Variants in DENND5A observed in about 807,000 individuals in gnomAD.
DENND5A encodes DENN domain containing 5A.
In DENND5A, 64 loss-of-function variants were observed where a neutral mutation model predicts 140.3. That is an observed-to-expected ratio of 0.46 (90% confidence interval 0.37 to 0.56). The LOEUF is 0.56. Among genes scored for constraint, DENND5A ranks in the 20% least tolerant of loss-of-function variants. DENND5A has a pLI of 0.00. For missense variants in DENND5A, 1,292 were observed against 1,593.8 expected, an observed-to-expected ratio of 0.81 and a Z score of 3.22; for synonymous variants, 605 against 607.7, an observed-to-expected ratio of 1.00 and a Z score of 0.07.
chr11:9,207,774 AG>A, intron 1 of DENND5A, 142 bp from the exon 2 acceptor site: 1 of 574,934 alleles, frequency 1.7e-6, no homozygotes, highest in African/African-American at 1.9e-5. Context: ...ATTTACCTAA[AG>A]CAAAAATTTC....
rs1276958748 is a variant in DENND5A, at chr11:9,262,890, C to G, written c.109+2071G>C. Among the ~76,000 whole-genome samples the G allele has an allele frequency of 3.4e-4, 52 of 152,008 alleles. 2 individuals are homozygous for G. Among genetic ancestry groups the G allele is most frequent in the Admixed American group, 3.4e-3 (52 of 15,268 alleles). On this transcript the variant is annotated intron_variant, in intron 1 of 22. Transcript: ENST00000328194. Reference sequence around the variant, plus strand: ...CTGAGTAGCTGGGACTACAGGCGCCCGCCACCACGCCCGGCTAATTTTTTG... The same window carrying G: ...CTGAGTAGCTGGGACTACAGGCGCCGGCCACCACGCCCGGCTAATTTTTTG...
intron 1 of DENND5A, among the ~76,000 whole-genome samples, chr11:9,224,950 G>C (rs560087475): frequency 7.3e-5 from 11 of 151,656 alleles, no homozygotes; most frequent in Non-Finnish European, 1.5e-4. Context: ...GCTAGGGTCA[G>C]AGCCATTTAC....
intron 4 of DENND5A, among the ~76,000 whole-genome samples, chr11:9,202,445 A>C (rs1849553531): frequency 1.3e-5 from 2 of 152,200 alleles, no homozygotes; most frequent in Admixed American, 1.3e-4. Flanking sequence ...ATGTTCACAC[A>C]CAGAGATCAT....
chr11:9,185,270 T>C (rs1173451954), intron 5 of DENND5A, among the ~76,000 whole-genome samples: 1 of 152,234 alleles, frequency 6.6e-6, no homozygotes, highest in African/African-American at 2.4e-5. Flanking sequence ...ACAAAACTCC[T>C]TCCCTAGCCA....
chr11:9,146,756 A>G, intron 16 of DENND5A: 1 of 307,302 alleles, frequency 3.3e-6, no homozygotes, highest in Non-Finnish European at 6.0e-6. Flanking sequence ...CTCCACCTTC[A>G]TCAGCTTAGG....
chr11:9,164,068 T>TTTTTG (rs1848093163), intron 11 of DENND5A, among the ~76,000 whole-genome samples: 1 of 98,514 alleles, frequency 1.0e-5, no homozygotes, highest in African/African-American at 3.9e-5. Flanking sequence ...TTTTTTTTTT[T>TTTTTG]TTTTTTTTTT....
chr11:9,248,541 G>A (rs1851576629), intron 1 of DENND5A, among the ~76,000 whole-genome samples: 1 of 152,052 alleles, frequency 6.6e-6, no homozygotes, highest in Non-Finnish European at 1.5e-5. Flanking sequence ...TGTGGTCGCA[G>A]CTACTCCAGA....
At chr11:9,145,344 A>G (rs997374505) in intron 17 of DENND5A, 3 of 587,292 alleles carry the variant, frequency 5.1e-6, no homozygotes, top group Non-Finnish European at 9.0e-6. Flanking sequence ...AGGGAGCAAG[A>G]GATTCTGGAA....
chr11:9,176,916 A>T (rs1426049234), intron 8 of DENND5A: 1 of 456,076 alleles, frequency 2.2e-6, no homozygotes, highest in African/African-American at 2.0e-5. Context: ...TGAGACAATG[A>T]AAGTTGTTAG....
intron 11 of DENND5A, among the ~76,000 whole-genome samples, chr11:9,164,184 A>G (rs1007593784): frequency 1.7e-5 from 2 of 120,334 alleles, no homozygotes; most frequent in African/African-American, 6.4e-5. Flanking sequence ...GGTGTGCACC[A>G]CCACGCCTAA....
At chr11:9,157,012 C>T (rs560589466) in intron 12 of DENND5A, among the ~76,000 whole-genome samples, 16 of 151,966 alleles carry the variant, frequency 1.1e-4, no homozygotes, top group Non-Finnish European at 1.9e-4. Context: ...TATAATGATA[C>T]GATACTATTT....
intron 13 of DENND5A, among the ~76,000 whole-genome samples, chr11:9,151,499 T>A (rs1356233009): frequency 6.6e-6 from 1 of 152,122 alleles, no homozygotes; most frequent in Non-Finnish European, 1.5e-5. Flanking sequence ...GCCAATTATC[T>A]CCCCAGGTTC....
At chr11:9,143,564 C>T in intron 19 of DENND5A, 79 bp from the exon 20 acceptor site, 1 of 1,209,172 alleles carries the variant, frequency 8.3e-7, no homozygotes, top group Non-Finnish European at 1.2e-6. Flanking sequence ...AGACTGAGGA[C>T]ACGGGGAGGG....
chr11:9,142,977 A>G, intron 20 of DENND5A, 132 bp from the exon 21 acceptor site: 1 of 1,184,344 alleles, frequency 8.4e-7, no homozygotes, highest in African/African-American at 1.5e-5. Flanking sequence ...CTGTTTCCCT[A>G]ACACCTGGCA....
chr11:9,257,669 A>AT (rs1181547107), intron 1 of DENND5A, among the ~76,000 whole-genome samples: 1 of 151,312 alleles, frequency 6.6e-6, no homozygotes, highest in East Asian at 2.0e-4. Context: ...TTTTTAGTAG[A>AT]GACAGGGTTT....
intron 1 of DENND5A, among the ~76,000 whole-genome samples, chr11:9,225,136 T>C (rs1425598487): frequency 2.0e-5 from 3 of 152,184 alleles, no homozygotes; most frequent in African/African-American, 7.2e-5. Flanking sequence ...ATCTCTAGAA[T>C]TGCAACTAAA....
intron 4 of DENND5A, among the ~76,000 whole-genome samples, chr11:9,198,079 A>G (rs1849393145): frequency 6.6e-6 from 1 of 152,214 alleles, no homozygotes; most frequent in African/African-American, 2.4e-5. Context: ...GTAACCAAAT[A>G]TTGTGTAAAT....
chr11:9,178,072 A>G, intron 8 of DENND5A, 60 bp downstream of exon 8: 2 of 1,152,378 alleles, frequency 1.7e-6, no homozygotes, highest in East Asian at 2.3e-5. Flanking sequence ...ATTTAGGAAA[A>G]GGGACATGTT....
At chr11:9,161,819 C>G (rs1346233550) in intron 11 of DENND5A, among the ~76,000 whole-genome samples, 1 of 151,924 alleles carries the variant, frequency 6.6e-6, no homozygotes, top group Admixed American at 6.6e-5. Flanking sequence ...AATCAATATA[C>G]TAAATTTAAA....
Sources: allele counts gnomAD v4.1 joint callset (sites outside exome capture counted in the v4.1 genomes callset), GRCh38; gene constraint gnomAD v4.1.1; transcripts MANE v1.5; gene names NCBI Gene and HGNC (gene_info 2026-07-23, HGNC 2026-07-21).